Variants in ACYP2 observed in about 807,000 individuals in gnomAD.
ACYP2 encodes acylphosphatase-2.
Under a neutral mutation model 11.2 loss-of-function variants are expected in ACYP2, and 12 were observed. The observed-to-expected ratio is 1.08, with a 90% CI of 0.69 to 1.74. The LOEUF is 1.74. Among genes scored for constraint, ACYP2 ranks in the 40% most tolerant of loss-of-function variants. ACYP2 has a pLI of 0.00. For synonymous variants in ACYP2, 43 were observed against 32.2 expected, an observed-to-expected ratio of 1.33 and a Z score of -1.13; for missense variants, 134 against 101.9, an observed-to-expected ratio of 1.31 and a Z score of -1.35.
chr2:54,093,032 G>A (rs1354377731), intron 4 of ACYP2, among the ~76,000 whole-genome samples: 2 of 152,166 alleles, frequency 1.3e-5, no homozygotes, highest in Admixed American at 6.5e-5. Flanking sequence ...TTGGGCTGAG[G>A]CTTCTATTGT....
chr2:54,253,386 A>G (rs2104015153), intron 6 of ACYP2: 1 of 152,360 alleles, frequency 6.6e-6, no homozygotes, highest in Middle Eastern at 3.4e-3. Flanking sequence ...ATTTGAAAGT[A>G]AAAGAAAATC....
At chr2:54,011,293 G>T (rs1247624325) in intron 2 of ACYP2, among the ~76,000 whole-genome samples, 2 of 152,102 alleles carry the variant, frequency 1.3e-5, no homozygotes, top group Non-Finnish European at 2.9e-5. Flanking sequence ...TGATGTTGCT[G>T]ACACATCCCA....
chr2:54,033,077 G>C (rs898167702), intron 2 of ACYP2, among the ~76,000 whole-genome samples: 14 of 152,184 alleles, frequency 9.2e-5, no homozygotes, highest in African/African-American at 3.1e-4. Context: ...AAACTAATCA[G>C]GGTGAACAAA....
intron 4 of ACYP2, among the ~76,000 whole-genome samples, chr2:54,089,393 C>CAT (rs1553368813): frequency 4.0e-5 from 6 of 148,490 alleles, no homozygotes; most frequent in Admixed American, 2.0e-4. Context: ...GCCAGAAGTT[C>CAT]AGATATATAT....
At chr2:54,114,097 T>A (rs1679605436) in intron 4 of ACYP2, among the ~76,000 whole-genome samples, 1 of 152,216 alleles carries the variant, frequency 6.6e-6, no homozygotes, top group African/African-American at 2.4e-5. Flanking sequence ...TCTAATAGAA[T>A]TGGCACAGTA....
Position 54,201,636 on chromosome 2 carries a change from C to CTTTCTTTCTTTGTTTCTTTT in ACYP2, c.404+62889_404+62890insTTCTTTCTTTGTTTCTTTTT, listed in dbSNP as rs59874821. Among the ~76,000 whole-genome samples the CTTTCTTTCTTTGTTTCTTTT allele has an allele frequency of 3.1e-3, 295 of 93,686 alleles. 4 individuals are homozygous for CTTTCTTTCTTTGTTTCTTTT. The highest frequency in any genetic ancestry group is 0.01 in the East Asian group (32 of 3,104). The allele number at this position is 93,686 out of a possible 152,430, so 61.5% of individuals were successfully genotyped here. A position where few individuals can be genotyped will look rare whatever the true frequency, so the allele number is the denominator to read the frequency against. On this transcript the variant is annotated intron_variant, in intron 6 of 6. Transcript: ENST00000607452. ...TCTTTCTTTCTTTGTTTCTTTCTTT[C>CTTTCTTTCTTTGTTTCTTTT]TCTTTCTTTCTTTCTTTCTTTCTTT...
chr2:54,284,449 T>G (rs1688991390), intron 6 of ACYP2, among the ~76,000 whole-genome samples: 1 of 152,218 alleles, frequency 6.6e-6, no homozygotes, highest in Non-Finnish European at 1.5e-5. Flanking sequence ...GTATTTCCTC[T>G]TGGTCTCATT....
intron 2 of ACYP2, among the ~76,000 whole-genome samples, chr2:54,007,161 AAAAGAAAG>A (rs1199396800): frequency 2.1e-5 from 3 of 141,376 alleles, no homozygotes; most frequent in Non-Finnish European, 3.1e-5. Context: ...AAAAAAAAAA[AAAAGAAAG>A]AAAGAAAGAA....
chr2:54,020,226 C>T (rs1017090363), intron 2 of ACYP2, among the ~76,000 whole-genome samples: 14 of 152,182 alleles, frequency 9.2e-5, no homozygotes, highest in Non-Finnish European at 1.8e-4. Flanking sequence ...CGTGAGCCAC[C>T]GTGCCTGGCC....
chr2:53,979,305 A>T, intron 2 of ACYP2, among the ~76,000 whole-genome samples: 1 of 152,182 alleles, frequency 6.6e-6, no homozygotes, highest in African/African-American at 2.4e-5. Flanking sequence ...AAAAATATAT[A>T]AAAGTTTTAA....
chr2:53,995,898 C>T (rs1454609468), intron 2 of ACYP2, among the ~76,000 whole-genome samples: 1 of 151,864 alleles, frequency 6.6e-6, no homozygotes, highest in East Asian at 1.9e-4. Context: ...GTGGGGAGGC[C>T]GAGGCGGGCG....
intron 4 of ACYP2, among the ~76,000 whole-genome samples, chr2:54,106,259 T>C (rs1364391549): frequency 6.6e-6 from 1 of 152,070 alleles, no homozygotes; most frequent in Admixed American, 6.6e-5. Flanking sequence ...ATTATTATTA[T>C]TATTTTATTT....
intron 6 of ACYP2, among the ~76,000 whole-genome samples, chr2:54,227,981 A>G (rs950347967): frequency 6.6e-5 from 10 of 152,248 alleles, no homozygotes; most frequent in African/African-American, 2.4e-4. Context: ...GCTCTTCAAG[A>G]TAAGCCATGA....
At chr2:54,292,846 T>C (rs1036279223) in intron 6 of ACYP2, among the ~76,000 whole-genome samples, 2 of 152,232 alleles carry the variant, frequency 1.3e-5, no homozygotes, top group Non-Finnish European at 2.9e-5. Flanking sequence ...ACATTTATAC[T>C]TTAGCAGTCA....
chr2:54,244,362 C>T (rs187493431), intron 6 of ACYP2, among the ~76,000 whole-genome samples: 6 of 152,102 alleles, frequency 3.9e-5, no homozygotes, highest in South Asian at 4.2e-4. Context: ...CCACCACACC[C>T]GGCTAATTTT....
At chr2:54,272,683 T>G (rs180756459) in intron 6 of ACYP2, among the ~76,000 whole-genome samples, 1 of 152,254 alleles carries the variant, frequency 6.6e-6, no homozygotes, top group Non-Finnish European at 1.5e-5. Flanking sequence ...TGACTGTTCC[T>G]GAATATGCAT....
At chr2:54,101,528 G>T (rs1372933565) in intron 4 of ACYP2, among the ~76,000 whole-genome samples, 2 of 152,066 alleles carry the variant, frequency 1.3e-5, no homozygotes, top group East Asian at 3.9e-4. Flanking sequence ...AATTAGCTGG[G>T]TATGGTGGAG....
intron 6 of ACYP2, among the ~76,000 whole-genome samples, chr2:54,164,741 G>A (rs538990047): frequency 2.5e-4 from 38 of 152,108 alleles, no homozygotes; most frequent in Admixed American, 3.9e-4. Context: ...TGTGCAGAAC[G>A]TGCAGGTTTC....
chr2:54,135,166 G>T (rs907647702), intron 4 of ACYP2, among the ~76,000 whole-genome samples: 1 of 152,216 alleles, frequency 6.6e-6, no homozygotes, highest in African/African-American at 2.4e-5. Context: ...AACCAAGAGA[G>T]TGTCTACAGT....
Sources: gnomAD v4.1 joint callset for allele counts (sites outside exome capture counted in the v4.1 genomes callset) on GRCh38, gnomAD v4.1.1 for gene constraint, MANE v1.5 for transcripts, NCBI Gene and HGNC (gene_info 2026-07-23, HGNC 2026-07-21) for gene names.